The following ELAVL2 variants were observed in gnomAD, a reference collection of about 807,000 sequenced individuals.
The protein encoded by ELAVL2 is ELAV like RNA binding protein 2.
A neutral mutation model predicts 34.6 loss-of-function variants in ELAVL2; 4 were observed. The ratio of observed to expected loss-of-function variants is 0.12; its 90% confidence interval spans 0.06 to 0.26. The LOEUF (loss-of-function observed/expected upper bound fraction) is 0.26, where lower values mean the gene tolerates loss of function less well. Ranked by LOEUF, ELAVL2 falls within the 10% of genes least tolerant of loss-of-function variation. ELAVL2 has a pLI of 1.00. For synonymous variants in ELAVL2, 193 were observed against 154.8 expected (o/e 1.25, Z -1.83); for missense variants, 432 against 442.8 (o/e 0.98, Z 0.22).
chr9:23,833,366 A>T, the ELAVL2 span, among the ~76,000 whole-genome samples: 1 of 151,742 alleles, frequency 6.6e-6, no homozygotes, highest in African/African-American at 2.4e-5. Context: ...TATGATTTTT[A>T]TTTTTTTCTT....
chr9:23,699,549 A>T (rs1241667737), intron 5 of ELAVL2, among the ~76,000 whole-genome samples: 1 of 152,180 alleles, frequency 6.6e-6, no homozygotes, highest in Non-Finnish European at 1.5e-5. Flanking sequence ...GGCCCCAAAG[A>T]GCTCTGAAAT....
chr9:23,807,156 C>T (rs1316016405), intron 1 of ELAVL2, among the ~76,000 whole-genome samples: 1 of 152,152 alleles, frequency 6.6e-6, no homozygotes, highest in Non-Finnish European at 1.5e-5. Flanking sequence ...TGCCAGAGTC[C>T]ACCTCTCTGA....
the ELAVL2 span, among the ~76,000 whole-genome samples, chr9:23,839,182 C>T: frequency 6.6e-6 from 1 of 151,804 alleles, no homozygotes; most frequent in African/African-American, 2.4e-5. Context: ...ATAACAGAAA[C>T]TTATTTTTTA....
intron 5 of ELAVL2, among the ~76,000 whole-genome samples, chr9:23,700,956 A>C (rs1234301431): frequency 6.6e-6 from 1 of 152,106 alleles, no homozygotes; most frequent in Admixed American, 6.5e-5. Context: ...AGAATTTCTC[A>C]ACCACAGCAT....
At chr9:23,744,775 T>G (rs1347317064) in intron 2 of ELAVL2, among the ~76,000 whole-genome samples, 2 of 152,048 alleles carry the variant, frequency 1.3e-5, no homozygotes, top group Non-Finnish European at 2.9e-5. Flanking sequence ...AAAATAATAA[T>G]TAAATCTAAT....
chr9:23,762,300 T>TA lies in ELAVL2; in HGVS notation c.-15-52dup, dbSNP rs574633098. 68 of 1,581,178 alleles carry TA rather than the reference T, an allele frequency of 4.3e-5. No homozygotes were observed. The Middle Eastern group carries it at 6.8e-4, about 16-fold the overall frequency. On this transcript the variant is annotated intron_variant, in intron 1 of 6. Coordinates refer to ENST00000397312, the MANE Select transcript of ELAVL2 (RefSeq NM_004432.5). ...TCAGAATTCATATTTCACAACCTAT[T>TA]AGAGACTCCATCCAAGAATTTAAAC... is the stretch of plus-strand genomic sequence containing the variant.
intron 3 of ELAVL2, among the ~76,000 whole-genome samples, chr9:23,721,179 T>C (rs907944375): frequency 1.3e-5 from 2 of 152,082 alleles, no homozygotes; most frequent in Non-Finnish European, 2.9e-5. Context: ...AATGCAAAAA[T>C]GCAGACGTAA....
chr9:23,751,983 C>G (rs906226223), intron 2 of ELAVL2, among the ~76,000 whole-genome samples: 1 of 152,150 alleles, frequency 6.6e-6, no homozygotes, highest in Admixed American at 6.6e-5. Context: ...GTCAAATCAC[C>G]TAGAAAGCAA....
intron 4 of ELAVL2, among the ~76,000 whole-genome samples, chr9:23,703,605 CCT>C: frequency 6.6e-6 from 1 of 152,092 alleles, no homozygotes. Flanking sequence ...AATATGGGCT[CCT>C]CTGATTAGAT....
At chr9:23,699,826 T>TTTTTTTG in intron 5 of ELAVL2, among the ~76,000 whole-genome samples, 1 of 41,568 alleles carries the variant, frequency 2.4e-5, no homozygotes, top group Non-Finnish European at 4.9e-5. Flanking sequence ...TTTTTTTTTT[T>TTTTTTTG]TTTTTTTTTT....
intron 5 of ELAVL2, among the ~76,000 whole-genome samples, chr9:23,695,962 A>AT (rs1348622652): frequency 6.6e-6 from 1 of 152,046 alleles, no homozygotes; most frequent in African/African-American, 2.4e-5. Flanking sequence ...GAGGTTTCGA[A>AT]TTTTTTATAA....
intron 2 of ELAVL2, among the ~76,000 whole-genome samples, chr9:23,756,927 A>G (rs1372518740): frequency 6.6e-6 from 1 of 152,070 alleles, no homozygotes; most frequent in African/African-American, 2.4e-5. Context: ...CATTTCTAGC[A>G]CTCATTACAA....
chr9:23,786,188 TTTAAAAAGTAACATAGAAA>T (rs546105089), intron 1 of ELAVL2, among the ~76,000 whole-genome samples: 104 of 152,290 alleles, frequency 6.8e-4, no homozygotes, highest in African/African-American at 2.5e-3. Context: ...TGCACTATTT[TTTAAAAAGTAACATAGAAA>T]AGCTGTTTAA....
chr9:23,706,155 G>C (rs1587426573), intron 3 of ELAVL2, among the ~76,000 whole-genome samples: 2 of 152,084 alleles, frequency 1.3e-5, no homozygotes. Flanking sequence ...AATTAACTTT[G>C]CCTGCCACTG....
At chr9:23,805,716 T>C (rs2062128577) in intron 1 of ELAVL2, among the ~76,000 whole-genome samples, 1 of 152,126 alleles carries the variant, frequency 6.6e-6, no homozygotes, top group Admixed American at 6.6e-5. Flanking sequence ...AGATACTCAG[T>C]GTAGAGCAGA....
intron 1 of ELAVL2, among the ~76,000 whole-genome samples, chr9:23,819,950 ACCT>A (rs910766417): frequency 4.0e-5 from 6 of 151,846 alleles, no homozygotes; most frequent in African/African-American, 1.5e-4. Flanking sequence ...ATCCCTACAA[ACCT>A]CCTATAAAGA....
chr9:23,780,880 A>C (rs2058966239), intron 1 of ELAVL2, among the ~76,000 whole-genome samples: 1 of 152,224 alleles, frequency 6.6e-6, no homozygotes. Flanking sequence ...TTCACATAAA[A>C]CAGTCAGGGT....
chr9:23,816,700 G>GTA (rs560020272), intron 1 of ELAVL2, among the ~76,000 whole-genome samples: 4 of 152,038 alleles, frequency 2.6e-5, no homozygotes, highest in Non-Finnish European at 5.9e-5. Flanking sequence ...GCAGTCTATG[G>GTA]TAAGAGACTC....
intron 1 of ELAVL2, among the ~76,000 whole-genome samples, chr9:23,771,055 G>C (rs2057217935): frequency 6.6e-6 from 1 of 152,166 alleles, no homozygotes; most frequent in East Asian, 1.9e-4. Context: ...GTAGCATGTG[G>C]CTACTGTGAA....
Sources: gnomAD v4.1 joint callset for allele counts (sites outside exome capture counted in the v4.1 genomes callset) on GRCh38, gnomAD v4.1.1 for gene constraint, MANE v1.5 for transcripts, NCBI Gene and HGNC (gene_info 2026-07-23, HGNC 2026-07-21) for gene names.